NT5DC1: variants seen among roughly 807,000 people sequenced by gnomAD.
The protein encoded by NT5DC1 is 5'-nucleotidase domain containing 1, also known as 5'-nucleotidase domain-containing protein 1.
NT5DC1 carries 42 observed loss-of-function variants against 59.4 expected under a neutral mutation model. The observed-to-expected ratio is 0.71, with a 90% CI of 0.55 to 0.92. The LOEUF is 0.92. NT5DC1 is among the 40% of genes least tolerant of loss of function. The pLI is 0.00. For missense variants in NT5DC1, 501 were observed against 537.1 expected (o/e 0.93, Z 0.66); for synonymous variants, 172 against 188.1 (o/e 0.91, Z 0.70).
At chr6:116,140,119 C>T (rs575888143) in intron 6 of NT5DC1, among the ~76,000 whole-genome samples, 3 of 152,282 alleles carry the variant, frequency 2.0e-5, no homozygotes, top group Admixed American at 6.5e-5. Context: ...TTGAATGCCG[C>T]CCTCCTATGG....
intron 8 of NT5DC1, among the ~76,000 whole-genome samples, chr6:116,229,648 G>A (rs541905921): frequency 2.6e-5 from 4 of 152,268 alleles, no homozygotes; most frequent in Admixed American, 6.5e-5. Flanking sequence ...TGGGGATACG[G>A]GGGAATCTCT....
At chr6:116,235,882 AG>A (rs1335194871) in intron 8 of NT5DC1, among the ~76,000 whole-genome samples, 1 of 139,850 alleles carries the variant, frequency 7.2e-6, no homozygotes, top group Non-Finnish European at 1.5e-5. Flanking sequence ...GTCCTACTCC[AG>A]GGTTGATTTA....
At chr6:116,145,792 C>A (rs1468235245) in intron 6 of NT5DC1, among the ~76,000 whole-genome samples, 1 of 152,006 alleles carries the variant, frequency 6.6e-6, no homozygotes, top group Non-Finnish European at 1.5e-5. Flanking sequence ...TTTTAATTTA[C>A]TATTTTATTT....
chr6:116,101,307 C>T (rs1057054282), intron 1 of NT5DC1, among the ~76,000 whole-genome samples: 3 of 151,938 alleles, frequency 2.0e-5, no homozygotes, highest in Non-Finnish European at 4.4e-5. Flanking sequence ...GCTGGGGAAT[C>T]GGTGATTTCT....
At chr6:116,151,789 A>T (rs1362691576) in intron 6 of NT5DC1, among the ~76,000 whole-genome samples, 1 of 152,162 alleles carries the variant, frequency 6.6e-6, no homozygotes, top group African/African-American at 2.4e-5. Context: ...AACTTTTTTT[A>T]AAAAAGCAGC....
intron 8 of NT5DC1, among the ~76,000 whole-genome samples, chr6:116,234,889 A>G (rs888961092): frequency 2.6e-5 from 4 of 152,134 alleles, no homozygotes; most frequent in African/African-American, 9.7e-5. Context: ...GCAGCTTCCT[A>G]GCTGTGGAGG....
chr6:116,121,830 A>T (rs768556259), intron 6 of NT5DC1: 1 of 1,612,770 alleles, frequency 6.2e-7, no homozygotes, highest in Non-Finnish European at 8.5e-7. Flanking sequence ...GGTCCTGGCA[A>T]CCCTGGCTCT....
At chr6:116,121,877 G>C in intron 6 of NT5DC1, 2 of 1,613,986 alleles carry the variant, frequency 1.2e-6, no homozygotes, top group South Asian at 1.1e-5. Context: ...TGGTTTTCCT[G>C]GTGGTCCAGA....
chr6:116,152,326 A>G (rs963859030), intron 6 of NT5DC1, among the ~76,000 whole-genome samples: 1 of 152,214 alleles, frequency 6.6e-6, no homozygotes, highest in African/African-American at 2.4e-5. Context: ...AACTTATCGT[A>G]CCATTTAACT....
chr6:116,215,302 C>T (rs1163765361), intron 6 of NT5DC1, among the ~76,000 whole-genome samples: 1 of 152,086 alleles, frequency 6.6e-6, no homozygotes, highest in African/African-American at 2.4e-5. Flanking sequence ...AAATAAATTG[C>T]AAAACATGGT....
chr6:116,124,216 T>G (rs1484960102), intron 6 of NT5DC1, among the ~76,000 whole-genome samples: 1 of 152,146 alleles, frequency 6.6e-6, no homozygotes, highest in Non-Finnish European at 1.5e-5. Flanking sequence ...CTCAAAATGG[T>G]TGTTCCCAAA....
rs991892408 is a variant in NT5DC1 at position 116,149,914 on chromosome 6, G to A, written c.529+31969G>A. Among the ~76,000 whole-genome samples the A allele has an allele frequency of 4.6e-5, 7 of 152,328 alleles. 1 individual carries two copies. The highest frequency in any genetic ancestry group is 4.6e-4 in the Admixed American group (7 of 15,296). ...TTAACGGCTTTTTATCTAAAGCATA[G>A]TGTTCCCCCACTCACAGGTAGGTAA... is the stretch of plus-strand genomic sequence containing the variant. On this transcript the variant is annotated intron_variant, in intron 6 of 11. Transcript: ENST00000319550.
At chr6:116,186,865 T>C (rs764694655) in intron 6 of NT5DC1, among the ~76,000 whole-genome samples, 16 of 152,128 alleles carry the variant, frequency 1.1e-4, no homozygotes, top group Admixed American at 3.9e-4. Context: ...ATTCTTTTTC[T>C]GGCAATTCAG....
intron 11 of NT5DC1, among the ~76,000 whole-genome samples, chr6:116,240,666 C>T (rs1340935875): frequency 6.6e-6 from 1 of 151,752 alleles, no homozygotes; most frequent in East Asian, 1.9e-4. Flanking sequence ...CTGCTAAATG[C>T]CAAAGATAAT....
rs139066396 is a variant in NT5DC1 at position 116,169,566 on chromosome 6, C to T, written c.530-51488C>T. 6.8e-3 allele frequency among the ~76,000 whole-genome samples: 1,030 copies of T among 152,306 alleles called. 9 individuals are homozygous for T. The highest frequency in any genetic ancestry group is 0.037 in the Middle Eastern group (11 of 294). On this transcript the variant is annotated intron_variant, in intron 6 of 11. Transcript: ENST00000319550. ...GGATTTTAGCTATTCATTTTGCATA[C>T]TGATCAACTATATGCAGCATTGCAT...
chr6:116,210,211 A>G (rs1490764585), intron 6 of NT5DC1, among the ~76,000 whole-genome samples: 2 of 152,144 alleles, frequency 1.3e-5, no homozygotes, highest in East Asian at 3.9e-4. Context: ...TGCCATGCTT[A>G]AAAGACTTTC....
rs890317050 is a variant in NT5DC1, at chr6:116,114,537, G to T, written c.365-1154G>T. Among the ~76,000 whole-genome samples the T allele has an allele frequency of 4.6e-5, 2 of 43,264 alleles. 1 individual carries two copies. The highest frequency in any genetic ancestry group is 9.8e-5 in the Non-Finnish European group (2 of 20,384). The allele number at this position is 43,264 out of a possible 152,430, so 28.4% of individuals were successfully genotyped here. On this transcript the variant is annotated intron_variant, in intron 4 of 11. Coordinates refer to ENST00000319550, the MANE Select transcript of NT5DC1 (RefSeq NM_152729.3). ...ATACATAGCTTGCAAATTGGGGGGAGGGGGGGGGAGTCAAAATCAGGTGAT... is the reference window on the plus strand; with the variant it reads ...ATACATAGCTTGCAAATTGGGGGGATGGGGGGGGAGTCAAAATCAGGTGAT...
At chr6:116,216,496 G>A (rs1781689825) in intron 6 of NT5DC1, among the ~76,000 whole-genome samples, 1 of 151,702 alleles carries the variant, frequency 6.6e-6, no homozygotes, top group South Asian at 2.1e-4. Context: ...CTGGAAATCA[G>A]ATACTGTTAA....
At chr6:116,182,960 C>T (rs533701104) in intron 6 of NT5DC1, among the ~76,000 whole-genome samples, 20 of 152,158 alleles carry the variant, frequency 1.3e-4, no homozygotes, top group African/African-American at 4.3e-4. Context: ...AAACCAGTGT[C>T]TAGAAGGGTT....
Sources: gnomAD v4.1 joint callset for allele counts (sites outside exome capture counted in the v4.1 genomes callset) on GRCh38, gnomAD v4.1.1 for gene constraint, MANE v1.5 for transcripts, NCBI Gene and HGNC (gene_info 2026-07-23, HGNC 2026-07-21) for gene names.